The following CABCOCO1 variants were observed in gnomAD, a reference collection of about 807,000 sequenced individuals.
The protein encoded by CABCOCO1 is ciliary-associated calcium-binding coiled-coil protein 1.
In CABCOCO1, 28 loss-of-function variants were observed where a neutral mutation model predicts 35.7. The ratio of observed to expected loss-of-function variants is 0.78; its 90% CI spans 0.58 to 1.07. The LOEUF is 1.07. Ranked by LOEUF, CABCOCO1 falls within the 50% of genes least tolerant of loss-of-function variation. The pLI, the probability that CABCOCO1 is intolerant of heterozygous loss-of-function variation, is 0.00. For synonymous variants in CABCOCO1, 95 were observed against 100.1 expected, an observed-to-expected ratio of 0.95 and a Z score of 0.30; for missense variants, 326 against 309.2, an observed-to-expected ratio of 1.05 and a Z score of -0.41.
At chr10:61,704,805 A>ATT (rs34865303) in intron 5 of CABCOCO1, among the ~76,000 whole-genome samples, 17 of 135,048 alleles carry the variant, frequency 1.3e-4, no homozygotes, top group East Asian at 2.2e-4. Context: ...TGCTTACTCC[A>ATT]TTTTTTTTTT....
chr10:61,703,995 C>G (rs572045058), intron 5 of CABCOCO1, among the ~76,000 whole-genome samples: 1 of 151,874 alleles, frequency 6.6e-6, no homozygotes, highest in Non-Finnish European at 1.5e-5. Context: ...GCAGATAGAA[C>G]ACTTGAGGCC....
At chr10:61,705,829 G>T (rs1296524294) in intron 5 of CABCOCO1, among the ~76,000 whole-genome samples, 1 of 152,142 alleles carries the variant, frequency 6.6e-6, no homozygotes, top group Non-Finnish European at 1.5e-5. Flanking sequence ...ACCATAGAGG[G>T]TGAGCACCTC....
chr10:61,728,718 A>T (rs556939216), intron 5 of CABCOCO1, among the ~76,000 whole-genome samples: 1 of 152,220 alleles, frequency 6.6e-6, no homozygotes, highest in Non-Finnish European at 1.5e-5. Context: ...GCACAACCAG[A>T]AGGAGACTAG....
At chr10:61,703,495 A>G (rs1840515122) in intron 5 of CABCOCO1, among the ~76,000 whole-genome samples, 1 of 152,168 alleles carries the variant, frequency 6.6e-6, no homozygotes, top group Non-Finnish European at 1.5e-5. Context: ...CTCAATAATA[A>G]GCAAAATACA....
chr10:61,753,976 A>C (rs1035837319), intron 5 of CABCOCO1, among the ~76,000 whole-genome samples: 1 of 152,178 alleles, frequency 6.6e-6, no homozygotes, highest in Non-Finnish European at 1.5e-5. Flanking sequence ...ATGGACCAGC[A>C]TCCTCAATAT....
intron 5 of CABCOCO1, among the ~76,000 whole-genome samples, chr10:61,749,038 C>T (rs934300498): frequency 6.6e-6 from 1 of 152,114 alleles, no homozygotes; most frequent in Non-Finnish European, 1.5e-5. Context: ...GGTGAACAAT[C>T]GGGCTATATT....
At chr10:61,699,861 G>A (rs1207343564) in intron 5 of CABCOCO1, among the ~76,000 whole-genome samples, 4 of 151,980 alleles carry the variant, frequency 2.6e-5, no homozygotes, top group African/African-American at 9.7e-5. Flanking sequence ...TGACATTATT[G>A]TTTCTCCTGT....
intron 2 of CABCOCO1, among the ~76,000 whole-genome samples, chr10:61,678,289 GT>G (rs1205082779): frequency 6.6e-6 from 1 of 152,078 alleles, no homozygotes; most frequent in Non-Finnish European, 1.5e-5. Flanking sequence ...TATTGTGGCA[GT>G]TTTCTTACTG....
At chr10:61,705,864 A>G (rs933046899) in intron 5 of CABCOCO1, among the ~76,000 whole-genome samples, 5 of 152,178 alleles carry the variant, frequency 3.3e-5, no homozygotes, top group Non-Finnish European at 5.9e-5. Context: ...TAAAACATGA[A>G]ATCTATTACT....
Position 61,713,912 on chromosome 10 carries a change from C to T in CABCOCO1, c.552+23291C>T, listed in dbSNP as rs188021063. Reference sequence around the variant, plus strand: ...TGATGTGCTGCTGGATTCGGTTTGCCAGTATTTTATTGAGGATTTTGCATC... The same window carrying T: ...TGATGTGCTGCTGGATTCGGTTTGCTAGTATTTTATTGAGGATTTTGCATC... On this transcript the variant is annotated intron_variant, in intron 5 of 7. Coordinates refer to ENST00000648843, the MANE Select transcript of CABCOCO1 (RefSeq NM_001366906.2). Among the ~76,000 whole-genome samples the T allele has an allele frequency of 2.8e-4, 43 of 152,254 alleles. 1 individual carries two copies. The highest frequency in any genetic ancestry group is 9.4e-4 in the African/African-American group (39 of 41,548).
chr10:61,669,663 A>G (rs1674048596), intron 1 of CABCOCO1, among the ~76,000 whole-genome samples: 1 of 152,104 alleles, frequency 6.6e-6, no homozygotes, highest in East Asian at 1.9e-4. Context: ...AAAGATGATT[A>G]TATTAAGCCT....
chr10:61,684,007 A>G (rs1839879446), intron 3 of CABCOCO1, among the ~76,000 whole-genome samples: 1 of 152,156 alleles, frequency 6.6e-6, no homozygotes, highest in Non-Finnish European at 1.5e-5. Context: ...ATATCATTTT[A>G]TTAATAAAAT....
chr10:61,750,524 C>T (rs1214286227), intron 5 of CABCOCO1, among the ~76,000 whole-genome samples: 4 of 152,004 alleles, frequency 2.6e-5, no homozygotes, highest in South Asian at 2.1e-4. Context: ...TGCAGTGAGC[C>T]GAGATCGTGC....
At chr10:61,669,268 A>G (rs1372176950) in intron 1 of CABCOCO1, among the ~76,000 whole-genome samples, 1 of 151,994 alleles carries the variant, frequency 6.6e-6, no homozygotes, top group African/African-American at 2.4e-5. Flanking sequence ...AGAGGGAAAA[A>G]AATTAGAGAA....
At chr10:61,748,205 T>C (rs1481968186) in intron 5 of CABCOCO1, among the ~76,000 whole-genome samples, 1 of 152,084 alleles carries the variant, frequency 6.6e-6, no homozygotes, top group African/African-American at 2.4e-5. Context: ...TAAGAGACTA[T>C]ATAACAGGGG....
At chr10:61,691,391 T>C (rs554843918) in intron 5 of CABCOCO1, among the ~76,000 whole-genome samples, 3 of 152,268 alleles carry the variant, frequency 2.0e-5, no homozygotes, top group East Asian at 3.9e-4. Flanking sequence ...CAATGAAAGG[T>C]CTATCTGGAG....
In CABCOCO1 at chr10:61,765,949, A is replaced by G. The variant is rs373680911; in HGVS notation, c.827A>G (p.Asn276Ser). The change falls in exon 8 of 8, where the codon AAC becomes AGC. Residue 276 changes from asparagine (N) to serine (S), a missense_variant. By Grantham distance (46) the Asn-to-Ser change is conservative (BLOSUM62 1). Transcript: ENST00000648843. ...TGATTGTCTTCACAGACCGAGATAA[A>G]CGAAAAACTGCAAATACAGGAAGAG... ...DILIGIQTEI[N>S]EKLQIQEEAF... is the part of the protein sequence containing the mutation. 13 of 1,613,090 alleles carry G rather than the reference A, an allele frequency of 8.1e-6. No homozygotes were observed. Among genetic ancestry groups the G allele is most frequent in the Non-Finnish European group, 1.1e-5 (13 of 1,179,500 alleles).
chr10:61,687,519 A>G (rs992173646), intron 4 of CABCOCO1, among the ~76,000 whole-genome samples: 8 of 152,208 alleles, frequency 5.3e-5, no homozygotes, highest in African/African-American at 1.9e-4. Context: ...TAATGGGCAC[A>G]GGGACTGATA....
intron 5 of CABCOCO1, among the ~76,000 whole-genome samples, chr10:61,702,211 G>A (rs907964762): frequency 6.6e-6 from 1 of 152,112 alleles, no homozygotes; most frequent in African/African-American, 2.4e-5. Context: ...AGCACTAGAA[G>A]GGAAATTGAA....
Sources: gnomAD v4.1 joint callset for allele counts (sites outside exome capture counted in the v4.1 genomes callset) on GRCh38, gnomAD v4.1.1 for gene constraint, MANE v1.5 for transcripts, NCBI Gene and HGNC (gene_info 2026-07-23, HGNC 2026-07-21) for gene names.